KLKB1: variants seen among roughly 807,000 people sequenced by gnomAD.
KLKB1 encodes kallikrein B1.
In KLKB1, 58 loss-of-function variants were observed where a neutral mutation model predicts 73.6. The ratio of observed to expected loss-of-function variants is 0.79; its 90% CI spans 0.64 to 0.98. KLKB1 has a LOEUF of 0.98. Among genes scored for constraint, KLKB1 ranks in the 50% least tolerant of loss-of-function variants. The probability of loss-of-function intolerance (pLI) is 0.00; values close to 1 mark genes in which losing one functional copy is unlikely to be tolerated. For synonymous variants in KLKB1, 280 were observed against 258.1 expected, an observed-to-expected ratio of 1.08 and a Z score of -0.81; for missense variants, 737 against 763.8, an observed-to-expected ratio of 0.96 and a Z score of 0.41.
chr4:186,231,338 A>T lies in KLKB1; in HGVS notation c.59-789A>T, dbSNP rs1162766179. On this transcript the variant is annotated intron_variant, in intron 2 of 14. Coordinates refer to ENST00000264690, the MANE Select transcript of KLKB1 (RefSeq NM_000892.5). ...AAAGACAGTCTTTCCCGGTAAATCCAAATTTACAAATTAAAGCCAGTAAAG... is the reference window on the plus strand; with the variant it reads ...AAAGACAGTCTTTCCCGGTAAATCCTAATTTACAAATTAAAGCCAGTAAAG... Among the ~76,000 whole-genome samples, 3 of 152,246 alleles carry T rather than the reference A, an allele frequency of 2.0e-5. No homozygotes were observed. In the East Asian group the frequency reaches 5.8e-4, roughly 29 times the overall value.
rs2278542 is a variant in KLKB1, at chr4:186,250,273, C to T, written c.629C>T (p.Ala210Val). ...GCHMNIFQHL[A>V]FSDVDVARVL... is the part of the protein sequence containing the mutation. ...CACATGAACATCTTCCAGCATCTTG[C>T]GTTCTCAGATGTGGATGTTGCCAGG... The change falls in exon 7 of 15, where the codon GCG becomes GTG. Residue 210 changes from alanine (A) to valine (V), a missense_variant. Physicochemically the swap from Ala to Val is moderately conservative, Grantham distance 64 (BLOSUM62 0). Coordinates refer to ENST00000264690, the MANE Select transcript of KLKB1 (RefSeq NM_000892.5). The T allele has an allele frequency of 2.0e-5, 33 of 1,614,066 alleles. No individual in the cohort carries two copies. Among genetic ancestry groups the T allele is most frequent in the South Asian group, 2.0e-4 (18 of 91,084 alleles).
intron 13 of KLKB1, 71 bp from the exon 14 acceptor site, chr4:186,257,155 C>T: frequency 3.8e-6 from 3 of 782,726 alleles, no homozygotes; most frequent in South Asian, 2.3e-5. Context: ...ATAATATTCC[C>T]AATATTATTA....
At position 186,233,941 on chromosome 4, in the gene KLKB1, T is replaced by C. The variant is rs1737531468; in HGVS notation, c.222-11T>C. ...TATTCTACTTCCTAAGTAAAGCTACTTTTAAAATAGGTTTGGTTGCTTCTT... is the reference window on the plus strand; with the variant it reads ...TATTCTACTTCCTAAGTAAAGCTACCTTTAAAATAGGTTTGGTTGCTTCTT... On this transcript the variant is annotated splice_polypyrimidine_tract_variant and intron_variant, in intron 3 of 14. Coordinates refer to ENST00000264690, the MANE Select transcript of KLKB1 (RefSeq NM_000892.5). 31 of 1,596,556 alleles carry C rather than the reference T, an allele frequency of 1.9e-5. No individual in the cohort carries two copies. The highest frequency in any genetic ancestry group is 2.5e-5 in the Non-Finnish European group (29 of 1,164,114).
At chr4:186,223,619 G>A (rs930744249), upstream of KLKB1, among the ~76,000 whole-genome samples, 4 of 152,186 alleles carry the variant, frequency 2.6e-5, no homozygotes, top group African/African-American at 9.7e-5. Flanking sequence ...AAGCAGAAAA[G>A]CATTCAAATA....
At chr4:186,231,467 T>C (rs374630623) in intron 2 of KLKB1, among the ~76,000 whole-genome samples, 1 of 152,394 alleles carries the variant, frequency 6.6e-6, no homozygotes, top group East Asian at 1.9e-4. Context: ...AGCATATGCA[T>C]GCATTTGCTT....
At chr4:186,221,004 G>C (rs756560590) in intron 2 of KLKB1, among the ~76,000 whole-genome samples, 4 of 152,050 alleles carry the variant, frequency 2.6e-5, no homozygotes, top group African/African-American at 9.7e-5. Flanking sequence ...GGTTTGTTCA[G>C]ATTTTCTATT....
Position 186,232,357 on chromosome 4 carries a change from T to C in KLKB1, c.221+68T>C, listed in dbSNP as rs4253243. ...ACTGAATCAGTTTTGTGCAGAAAGG[T>C]GTAGTATAACTGAGAGTTCTTCCTC... On this transcript the variant is annotated intron_variant, in intron 3 of 14. Transcript: ENST00000264690. 114,126 of 1,442,398 alleles carry C rather than the reference T, an allele frequency of 0.079. 5,909 individuals carry two copies. Among genetic ancestry groups the C allele is most frequent in the South Asian group, 0.2 (17,360 of 87,032 alleles). 89.3% of individuals were successfully genotyped at this position (1,442,398 alleles called of 1,614,324 possible).
rs1737436289 is a variant in KLKB1 at position 186,232,274 on chromosome 4, A to G, written c.206A>G (p.Asn69Ser). ...AGTTTTCTTCCAGCAAGTTCAATCA[A>G]TGACATGGAGAAAAGGTAAAAGTTG... is the stretch of plus-strand genomic sequence containing the variant. ...LFSFLPASSINDMEKRFGCFL... is the reference protein window; with the variant it reads ...LFSFLPASSISDMEKRFGCFL... Residue 69 changes from asparagine to serine, a missense_variant, in exon 3 of 15, where the codon AAT becomes AGT. Transcript: ENST00000264690. The G allele has an allele frequency of 2.5e-6, 4 of 1,613,936 alleles. No individual in the cohort carries two copies. The highest frequency in any genetic ancestry group is 1.6e-4 in the Middle Eastern group (1 of 6,084).
chr4:186,251,561 G>A lies in KLKB1; in HGVS notation c.943G>A (p.Val315Met), dbSNP rs868215320. The change falls in exon 9 of 15, where the codon GTG becomes ATG. Residue 315 changes from valine to methionine, a missense_variant. By Grantham distance (21) the Val-to-Met change is conservative. Coordinates refer to ENST00000264690, the MANE Select transcript of KLKB1 (RefSeq NM_000892.5). ...ATTGAATGTGACTTTTGTTAAAGGA[G>A]TGAATGTTTGCCAAGAGACTTGCAC... Reference protein sequence around the residue: ...EELNVTFVKGVNVCQETCTKM... With the variant: ...EELNVTFVKGMNVCQETCTKM... 1.2e-6 allele frequency: 2 copies of A among 1,614,018 alleles called. No individual in the cohort carries two copies. The highest frequency in any genetic ancestry group is 1.3e-5 in the African/African-American group (1 of 75,054).
chr4:186,255,883 T>C (rs1166221256), intron 12 of KLKB1, 109 bp from the exon 13 acceptor site: 4 of 762,784 alleles, frequency 5.2e-6, no homozygotes, highest in Non-Finnish European at 9.0e-6. Context: ...AAAATTATTC[T>C]TGATGCTACT....
chr4:186,253,666 C>T (rs1738829148), intron 11 of KLKB1, among the ~76,000 whole-genome samples: 3 of 152,074 alleles, frequency 2.0e-5, no homozygotes, highest in Admixed American at 6.5e-5. Flanking sequence ...TTTGTGCACA[C>T]ATGCCTTGCA....
intron 2 of KLKB1, among the ~76,000 whole-genome samples, chr4:186,214,800 T>G (rs1218998033): frequency 2.0e-5 from 3 of 152,238 alleles, no homozygotes; most frequent in Admixed American, 1.3e-4. Flanking sequence ...TTGCCTCAGT[T>G]TCTTGTCCAG....
rs775567625 is a variant in KLKB1, at chr4:186,250,417, A to G, written c.758+15A>G. Reference sequence around the variant, plus strand: ...GAGTCACAAAGGCGAGTATGCATGGAAAATCGCATCACAAAGGCGAGTATG... The same window carrying G: ...GAGTCACAAAGGCGAGTATGCATGGGAAATCGCATCACAAAGGCGAGTATG... On this transcript the variant is annotated intron_variant, in intron 7 of 14. Transcript: ENST00000264690. 3.7e-6 allele frequency: 6 copies of G among 1,613,340 alleles called. No homozygotes were observed. Among genetic ancestry groups the G allele is most frequent in the Non-Finnish European group, 5.1e-6 (6 of 1,179,272 alleles).
intron 4 of KLKB1, among the ~76,000 whole-genome samples, chr4:186,235,237 G>GT (rs1331517166): frequency 3.3e-5 from 5 of 152,110 alleles, no homozygotes; most frequent in African/African-American, 1.2e-4. Context: ...TCTGATTGTT[G>GT]TATCTTGTAG....
intron 2 of KLKB1, among the ~76,000 whole-genome samples, chr4:186,218,629 AGT>A (rs536955243): frequency 0.012 from 1,755 of 144,318 alleles, 14 homozygotes; most frequent in African/African-American, 0.021. Context: ...TATTTTACAT[AGT>A]GTGTGTGTGT....
intron 6 of KLKB1, among the ~76,000 whole-genome samples, chr4:186,245,670 T>C (rs1373687530): frequency 6.6e-6 from 1 of 152,142 alleles, no homozygotes; most frequent in Non-Finnish European, 1.5e-5. Flanking sequence ...CTGGGTTTTG[T>C]CTCACAGCAG....
rs1738652184 is a variant in KLKB1 at position 186,251,199 on chromosome 4, C to T, written c.759-20C>T. 2.7e-6 allele frequency: 4 copies of T among 1,496,422 alleles called. No homozygotes were observed. The highest frequency in any genetic ancestry group is 3.7e-6 in the Non-Finnish European group (4 of 1,075,754). 92.7% of individuals were successfully genotyped at this position (1,496,422 alleles called of 1,614,324 possible). On this transcript the variant is annotated intron_variant, in intron 7 of 14. Coordinates refer to ENST00000264690, the MANE Select transcript of KLKB1 (RefSeq NM_000892.5). ...TGCAAATTTCTTTCTTTCTCTCTTG[C>T]TTTTTTTTAAAAAAAATAGAAATGT...
At chr4:186,230,729 GAGA>G (rs1054998944) in intron 2 of KLKB1, among the ~76,000 whole-genome samples, 1 of 152,176 alleles carries the variant, frequency 6.6e-6, no homozygotes, top group African/African-American at 2.4e-5. Flanking sequence ...GTTGCAGAAT[GAGA>G]AGCTCTGGGC....
intron 6 of KLKB1, among the ~76,000 whole-genome samples, chr4:186,244,940 G>A (rs888182322): frequency 1.3e-5 from 2 of 152,120 alleles, no homozygotes; most frequent in Admixed American, 1.3e-4. Flanking sequence ...GGGAGCAGAG[G>A]TGTCCTATAC....
Sources: allele counts gnomAD v4.1 joint callset (sites outside exome capture counted in the v4.1 genomes callset), GRCh38; gene constraint gnomAD v4.1.1; transcripts MANE v1.5; gene names NCBI Gene and HGNC (gene_info 2026-07-23, HGNC 2026-07-21).